PTBP3: variants seen among roughly 807,000 people sequenced by gnomAD.
PTBP3 encodes the protein polypyrimidine tract-binding protein 3.
In PTBP3, 20 loss-of-function variants were observed where a neutral mutation model predicts 58.7. The observed-to-expected ratio is 0.34, with a 90% confidence interval of 0.24 to 0.50. The LOEUF is 0.50. Among genes scored for constraint, PTBP3 ranks in the 20% least tolerant of loss-of-function variants. The pLI, the probability that PTBP3 is intolerant of heterozygous loss-of-function variation, is 0.98. For missense variants in PTBP3, 509 were observed against 637.2 expected, an observed-to-expected ratio of 0.80 and a Z score of 2.17; for synonymous variants, 185 against 219.8, an observed-to-expected ratio of 0.84 and a Z score of 1.40.
At chr9:112,291,731 A>C (rs1018158667) in intron 2 of PTBP3, among the ~76,000 whole-genome samples, 1 of 152,216 alleles carries the variant, frequency 6.6e-6, no homozygotes, top group African/African-American at 2.4e-5. Flanking sequence ...AAATGAATTA[A>C]AGGCCTAGAC....
intron 1 of PTBP3, among the ~76,000 whole-genome samples, chr9:112,332,047 T>C (rs976408162): frequency 1.1e-5 from 1 of 89,918 alleles, no homozygotes; most frequent in Non-Finnish European, 2.1e-5. Flanking sequence ...TTTCAACATA[T>C]AAAATGCAAC....
chr9:112,324,336 A>T (rs1830069476), intron 1 of PTBP3, among the ~76,000 whole-genome samples: 2 of 152,200 alleles, frequency 1.3e-5, no homozygotes, highest in South Asian at 4.1e-4. Flanking sequence ...ACTAAAAAAA[A>T]AGTTAAAGGA....
chr9:112,290,703 T>TACACACAC lies in PTBP3; in HGVS notation c.34+7128_34+7129insGTGTGTGT, dbSNP rs1441556582. Among the ~76,000 whole-genome samples the TACACACAC allele has an allele frequency of 2.6e-3, 165 of 64,570 alleles. 1 individual carries two copies. Among genetic ancestry groups the TACACACAC allele is most frequent in the African/African-American group, 9.9e-3 (111 of 11,232 alleles). 42.4% of individuals were successfully genotyped at this position (64,570 alleles called of 152,430 possible). On this transcript the variant is annotated intron_variant, in intron 2 of 13. Coordinates refer to ENST00000374257, the MANE Select transcript of PTBP3 (RefSeq NM_001163788.4). ...AAAAAAAAAAATATATATATATATA[T>TACACACAC]ATATACACACACACACACACACACA...
chr9:112,312,476 GT>G (rs1181446196), intron 1 of PTBP3, among the ~76,000 whole-genome samples: 1 of 56,098 alleles, frequency 1.8e-5, no homozygotes, highest in Non-Finnish European at 3.2e-5. Context: ...ACGAGACCTT[GT>G]TTTTTTTTTT....
the PTBP3 span, among the ~76,000 whole-genome samples, chr9:112,368,746 AGCCAATTTGC>A: frequency 6.6e-6 from 1 of 152,232 alleles, no homozygotes; most frequent in Non-Finnish European, 1.5e-5. Flanking sequence ...CTGTGAACTT[AGCCAATTTGC>A]ATAAGTAACG....
chr9:112,375,726 T>C, the PTBP3 span, among the ~76,000 whole-genome samples: 1 of 152,106 alleles, frequency 6.6e-6, no homozygotes, highest in African/African-American at 2.4e-5. Flanking sequence ...ACACTTCCAC[T>C]TGATGATGGA....
At position 112,234,889 on chromosome 9, in the gene PTBP3, C is replaced by T; in HGVS notation, c.811G>A (p.Gly271Ser). Residue 271 changes from glycine (G) to serine (S), a missense_variant, in exon 8 of 14, where the codon GGT becomes AGT. By Grantham distance (56) the Gly-to-Ser change is moderately conservative. This residue lies in a region of PTBP3 where 121 missense variants were observed against 114.8 expected (regional missense o/e 1.05). Coordinates refer to ENST00000374257, the MANE Select transcript of PTBP3 (RefSeq NM_001163788.4). Reference sequence around the variant, plus strand: ...CCTGCATATGGTGAAGAAATTATACCCGGTGCACCTAATGGGAAAGAGAAG... The same window carrying T: ...CCTGCATATGGTGAAGAAATTATACTCGGTGCACCTAATGGGAAAGAGAAG... ...PPMAAAFGAPGIISSPYAGAA... is the reference protein window; with the variant it reads ...PPMAAAFGAPSIISSPYAGAA... The T allele has an allele frequency of 6.2e-7, 1 of 1,611,878 alleles. No individual in the cohort carries two copies. The highest frequency in any genetic ancestry group is 8.5e-7 in the Non-Finnish European group (1 of 1,178,480).
At position 112,297,859 on chromosome 9, in the gene PTBP3, T is replaced by C; in HGVS notation, c.7A>G (p.Ser3Gly). The stretch of plus-strand genomic sequence containing the variant: ...TACACACCTGTAGAAGGAGTAGAAC[T>C]ATTCATGGTAAAAGGTCCGTTAATG... Reference protein sequence around the residue: MNSSTPSTGVYAN... With the variant: MNGSTPSTGVYAN... Residue 3 changes from serine (S) to glycine (G), a missense_variant, in exon 2 of 14, where the codon AGT (serine) becomes GGT (glycine). Physicochemically the swap from Ser to Gly is moderately conservative, Grantham distance 56. Around this residue, in one of 4 missense-constraint regions of PTBP3, gnomAD observed 212 missense variants for 215.3 expected, o/e 0.98. Coordinates refer to ENST00000374257, the MANE Select transcript of PTBP3 (RefSeq NM_001163788.4). 1 of 1,607,272 alleles carries C rather than the reference T, an allele frequency of 6.2e-7. No homozygotes were observed. Among genetic ancestry groups the C allele is most frequent in the Non-Finnish European group, 8.5e-7 (1 of 1,177,422 alleles).
At position 112,221,638 on chromosome 9, in the gene PTBP3, TA is replaced by T. The variant is rs1564381697; in HGVS notation, c.*2212del. Reference sequence around the variant, plus strand: ...TCTAGGTCAAAACTTATTTCATAAGTAAAAAAACAAAAAACTAAAAACTCCC... The same window carrying T: ...TCTAGGTCAAAACTTATTTCATAAGTAAAAAACAAAAAACTAAAAACTCCC... On this transcript the variant is annotated 3_prime_UTR_variant, in exon 14 of 14. Coordinates refer to ENST00000374257, the MANE Select transcript of PTBP3 (RefSeq NM_001163788.4). 1.0e-6 allele frequency: 1 copy of T among 985,182 alleles called. No individual in the cohort carries two copies. Among genetic ancestry groups the T allele is most frequent in the Non-Finnish European group, 1.2e-6 (1 of 829,824 alleles). 61.0% of individuals were successfully genotyped at this position (985,182 alleles called of 1,614,324 possible).
At chr9:112,283,475 A>C (rs539252255) in intron 2 of PTBP3, among the ~76,000 whole-genome samples, 53 of 152,358 alleles carry the variant, frequency 3.5e-4, no homozygotes, top group Non-Finnish European at 6.9e-4. Flanking sequence ...ATTTTGCCCC[A>C]TGCTAGAGAT....
intron 1 of PTBP3, among the ~76,000 whole-genome samples, chr9:112,323,427 T>C (rs1163486671): frequency 1.3e-5 from 2 of 152,098 alleles, no homozygotes; most frequent in Non-Finnish European, 2.9e-5. Context: ...GCTTTTCTTT[T>C]CTCAAAAAAG....
At chr9:112,351,113 A>C in the PTBP3 span, among the ~76,000 whole-genome samples, 2 of 152,216 alleles carry the variant, frequency 1.3e-5, no homozygotes, top group African/African-American at 2.4e-5. Flanking sequence ...GTTATTAATT[A>C]AAGTCCATAC....
chr9:112,242,819 G>T (rs187912642), intron 7 of PTBP3: 1 of 152,192 alleles, frequency 6.6e-6, no homozygotes, highest in Admixed American at 6.5e-5. Context: ...CTGAATAGCT[G>T]GAACTACAGG....
rs564588159 is a variant in PTBP3, at chr9:112,317,898, G to A, written c.-52+15572C>T. On this transcript the variant is annotated intron_variant, in intron 1 of 13. Transcript: ENST00000374257. ...TCGGAGGTTGCAGTGAGCCAAGATC[G>A]CGCCACTGCACTCCAGCCTGGGTGA... Among the ~76,000 whole-genome samples, 7 of 152,148 alleles carry A rather than the reference G, an allele frequency of 4.6e-5. No homozygotes were observed. In the South Asian group the frequency reaches 1.5e-3, roughly 32 times the overall value.
At chr9:112,225,703 A>G (rs1168956671) in intron 12 of PTBP3, among the ~76,000 whole-genome samples, 3 of 152,160 alleles carry the variant, frequency 2.0e-5, no homozygotes, top group Admixed American at 6.6e-5. Context: ...TCTTCTTCCT[A>G]CATGTCCTAT....
At chr9:112,339,717 C>T in the PTBP3 span, among the ~76,000 whole-genome samples, 1 of 151,944 alleles carries the variant, frequency 6.6e-6, no homozygotes, top group African/African-American at 2.4e-5. Flanking sequence ...GTACACCCCA[C>T]CACACCCAGC....
intron 8 of PTBP3, among the ~76,000 whole-genome samples, chr9:112,234,082 G>A (rs1203840923): frequency 9.5e-6 from 1 of 105,630 alleles, no homozygotes; most frequent in Non-Finnish European, 1.8e-5. Context: ...AATATGTGGA[G>A]TAGGCTTACC....
At chr9:112,364,781 A>G in the PTBP3 span, among the ~76,000 whole-genome samples, 1 of 152,242 alleles carries the variant, frequency 6.6e-6, no homozygotes, top group East Asian at 1.9e-4. Flanking sequence ...AATTTGTAAA[A>G]AATGCATTAT....
intron 2 of PTBP3, among the ~76,000 whole-genome samples, chr9:112,281,924 A>G (rs1827885332): frequency 6.6e-6 from 1 of 152,224 alleles, no homozygotes; most frequent in South Asian, 2.1e-4. Flanking sequence ...GGAGGTTAAA[A>G]GCCCAAGATC....
Sources: allele counts gnomAD v4.1 joint callset (sites outside exome capture counted in the v4.1 genomes callset), GRCh38; gene constraint gnomAD v4.1.1; regional missense constraint gnomAD v4.1.1; transcripts MANE v1.5; gene names NCBI Gene and HGNC (gene_info 2026-07-23, HGNC 2026-07-21).